Variants in NAV3 observed in about 807,000 individuals in gnomAD.
NAV3 encodes pore membrane and/or filament interacting like protein 1.
Under a neutral mutation model 244.7 loss-of-function variants are expected in NAV3, and 87 were observed. The ratio of observed to expected loss-of-function variants is 0.36; its 90% confidence interval spans 0.30 to 0.42. NAV3 has a LOEUF of 0.42. Among genes scored for constraint, NAV3 ranks in the 20% least tolerant of loss-of-function variants. NAV3 has a pLI of 1.00. For missense variants in NAV3, 2,663 were observed against 2,893.3 expected, an observed-to-expected ratio of 0.92 and a Z score of 1.83; for synonymous variants, 1,126 against 1,042.2, an observed-to-expected ratio of 1.08 and a Z score of -1.55.
chr12:77,962,277 T>C, intron 3 of NAV3, among the ~76,000 whole-genome samples: 1 of 152,052 alleles, frequency 6.6e-6, no homozygotes, highest in East Asian at 1.9e-4. Flanking sequence ...TACCAAAAAA[T>C]TTGAATTTAG....
intron 12 of NAV3, among the ~76,000 whole-genome samples, chr12:78,067,162 T>G (rs1006564604): frequency 2.6e-5 from 4 of 152,112 alleles, no homozygotes; most frequent in South Asian, 2.1e-4. Context: ...AACTAATCAT[T>G]CATTTTATCC....
intron 1 of NAV3, among the ~76,000 whole-genome samples, chr12:77,839,335 C>T (rs1284168041): frequency 6.6e-6 from 1 of 152,166 alleles, no homozygotes; most frequent in Non-Finnish European, 1.5e-5. Flanking sequence ...ATCAATTGCT[C>T]CATATTTCCT....
intron 39 of NAV3, among the ~76,000 whole-genome samples, chr12:78,206,682 TA>T (rs1960346517): frequency 1.3e-5 from 2 of 151,892 alleles, no homozygotes; most frequent in African/African-American, 4.8e-5. Context: ...AGAATTGGGG[TA>T]AAAAAATTTC....
Position 77,914,836 on chromosome 12 carries a change from T to TG in NAV3, c.244-25483_244-25482insG, listed in dbSNP as rs1191516371. Among the ~76,000 whole-genome samples the TG allele has an allele frequency of 5.1e-5, 3 of 58,372 alleles. 1 individual carries two copies. The Admixed American group carries it at 5.9e-4, about 12-fold the overall frequency. The allele number at this position is 58,372 out of a possible 152,430, so 38.3% of individuals were successfully genotyped here. A position where few individuals can be genotyped will look rare whatever the true frequency, so the allele number is the denominator to read the frequency against. On this transcript the variant is annotated intron_variant, in intron 1 of 39. Transcript: ENST00000397909. ...GGTTAAGAAATGCAGAGATTCTTTG[T>TG]CTTTTTTTTTTTTTTAATTATCTGA...
In NAV3 at chr12:78,185,672, A is replaced by T; in HGVS notation, c.5764A>T (p.Ile1922Leu). 6.2e-7 allele frequency: 1 copy of T among 1,608,342 alleles called. No individual in the cohort carries two copies. The highest frequency in any genetic ancestry group is 8.5e-7 in the Non-Finnish European group (1 of 1,177,262). ...CCGCAGTGTGAAAATTATAGTCTCC[A>T]TAAGCAAGGGCTATGGTCGAGCAAA... ...DGRSVKIIVS[I>L]SKGYGRAKDQ... Residue 1922 changes from isoleucine to leucine, a missense_variant, in exon 31 of 40, where the codon ATA becomes TTA. Physicochemically the swap from Ile to Leu is conservative, Grantham distance 5. Around this residue, in one of 6 missense-constraint regions of NAV3, gnomAD observed 543 missense variants for 672.4 expected, o/e 0.81. Coordinates refer to ENST00000397909, the MANE Select transcript of NAV3 (RefSeq NM_001024383.2).
At chr12:77,647,446 A>G (rs1438768263) in intron 2 of NAV3, among the ~76,000 whole-genome samples, 1 of 151,814 alleles carries the variant, frequency 6.6e-6, no homozygotes, top group Admixed American at 6.6e-5. Context: ...GCAGATTTGT[A>G]GCATGCTTTT....
At chr12:77,854,017 A>G (rs1877962283) in intron 1 of NAV3, among the ~76,000 whole-genome samples, 2 of 152,204 alleles carry the variant, frequency 1.3e-5, no homozygotes, top group Non-Finnish European at 2.9e-5. Flanking sequence ...TTTAGAGCTC[A>G]TAGTCATACC....
intron 9 of NAV3, among the ~76,000 whole-genome samples, chr12:78,044,883 A>G (rs901026560): frequency 6.6e-6 from 1 of 152,200 alleles, no homozygotes; most frequent in South Asian, 2.1e-4. Context: ...AAACAGAGAC[A>G]ATTTGACTTC....
chr12:77,734,890 G>A (rs1877273964), intron 2 of NAV3, among the ~76,000 whole-genome samples: 1 of 152,124 alleles, frequency 6.6e-6, no homozygotes, highest in Non-Finnish European at 1.5e-5. Flanking sequence ...CAGGAGCAAG[G>A]TTATTTCCTT....
intron 2 of NAV3, among the ~76,000 whole-genome samples, chr12:77,734,331 G>A (rs1370157286): frequency 6.6e-6 from 1 of 150,962 alleles, no homozygotes; most frequent in Non-Finnish European, 1.5e-5. Flanking sequence ...AAATCTTTAT[G>A]ACAACTGTGA....
chr12:77,846,546 C>T (rs1268110468), intron 1 of NAV3, among the ~76,000 whole-genome samples: 3 of 152,086 alleles, frequency 2.0e-5, no homozygotes, highest in Non-Finnish European at 2.9e-5. Flanking sequence ...ATTGGTTACT[C>T]GAGTTATGAG....
intron 1 of NAV3, among the ~76,000 whole-genome samples, chr12:77,870,915 C>T (rs1565875602): frequency 6.6e-6 from 1 of 152,278 alleles, no homozygotes. Flanking sequence ...CTTGTTCTAT[C>T]CTTAAAGTTT....
rs566848626 is a variant in NAV3 at position 77,778,853 on chromosome 12, TA to T, written c.73-161465del. Among the ~76,000 whole-genome samples, 121 of 152,298 alleles carry T rather than the reference TA, an allele frequency of 7.9e-4. No individual in the cohort carries two copies. In the Middle Eastern group the frequency reaches 0.017, roughly 21 times the overall value. The stretch of plus-strand genomic sequence containing the variant: ...GCAATTTGAAAAATCAGAGGATAAG[TA>T]TTGTCTTTGGGACAAAAAGAAGCTG... On this transcript the variant is annotated intron_variant, in intron 2 of 8. Transcript: ENST00000550042.
chr12:77,974,718 G>T (rs1157221041), intron 5 of NAV3, among the ~76,000 whole-genome samples: 2 of 152,076 alleles, frequency 1.3e-5, no homozygotes, highest in African/African-American at 2.4e-5. Flanking sequence ...CCAGCGCAGT[G>T]GCATGGTCAA....
intron 11 of NAV3, chr12:78,052,366 G>C (rs1882883587): frequency 6.6e-6 from 1 of 152,174 alleles, no homozygotes; most frequent in Non-Finnish European, 1.5e-5. Flanking sequence ...AATTAAGATA[G>C]GTTGTTGTTC....
At chr12:78,045,301 C>CT (rs201402199) in intron 9 of NAV3, among the ~76,000 whole-genome samples, 9 of 151,002 alleles carry the variant, frequency 6.0e-5, no homozygotes, top group East Asian at 1.9e-4. Flanking sequence ...GGTGGATAAG[C>CT]TTTTTTTTTG....
chr12:77,868,868 G>A (rs993603301), intron 1 of NAV3, among the ~76,000 whole-genome samples: 7 of 150,814 alleles, frequency 4.6e-5, no homozygotes, highest in African/African-American at 7.3e-5. Flanking sequence ...TCAGGAGTTC[G>A]AGACCAGCCT....
chr12:77,872,078 A>G (rs1592848084), intron 1 of NAV3, among the ~76,000 whole-genome samples: 1 of 152,072 alleles, frequency 6.6e-6, no homozygotes, highest in Admixed American at 6.6e-5. Flanking sequence ...CGGCTGCACA[A>G]ATGTCTTCTT....
At chr12:77,617,550 A>G (rs781095329) in intron 2 of NAV3, among the ~76,000 whole-genome samples, 53 of 152,318 alleles carry the variant, frequency 3.5e-4, no homozygotes, top group Non-Finnish European at 6.5e-4. Context: ...TAACATACCA[A>G]TATACTAAGA....
Sources: allele counts gnomAD v4.1 joint callset (sites outside exome capture counted in the v4.1 genomes callset), GRCh38; gene constraint gnomAD v4.1.1; regional missense constraint gnomAD v4.1.1; transcripts MANE v1.5; gene names NCBI Gene and HGNC (gene_info 2026-07-23, HGNC 2026-07-21).